COL4A5: variants seen among roughly 807,000 people sequenced by gnomAD.
COL4A5 encodes the protein collagen alpha-5(IV) chain.
COL4A5 carries 26 observed loss-of-function variants against 130.2 expected under a neutral mutation model. That is an observed-to-expected ratio of 0.20 (90% CI 0.15 to 0.28). The LOEUF (loss-of-function observed/expected upper bound fraction) is 0.28, where lower values mean the gene tolerates loss of function less well. COL4A5 is among the 10% of genes least tolerant of loss of function. The pLI is 1.00. For synonymous variants in COL4A5, 496 were observed against 439.6 expected (o/e 1.13, Z -1.60); for missense variants, 1,131 against 1,344.3 (o/e 0.84, Z 2.48).
rs901008983 is a variant in COL4A5 at position 108,559,253 on chromosome X, A to G, written c.231+100A>G. The G allele has an allele frequency of 3.9e-5, 24 of 613,286 alleles. No homozygotes were observed. In the African/African-American group the frequency reaches 4.4e-4, roughly 11 times the overall value. 50.5% of individuals were successfully genotyped at this position (613,286 alleles called of 1,213,427 possible). ...ACTAAAAAGTTACTGAATTATAGCAAGAAACTAATATGTAAATGAAACAAT... is the reference window on the plus strand; with the variant it reads ...ACTAAAAAGTTACTGAATTATAGCAGGAAACTAATATGTAAATGAAACAAT... On this transcript the variant is annotated intron_variant, in intron 3 of 52. Transcript: ENST00000328300.
At chrX:108,678,986 A>T (rs2068367112) in intron 44 of COL4A5, among the ~76,000 whole-genome samples, 1 of 111,625 alleles carries the variant, frequency 9.0e-6, no homozygotes, top group Admixed American at 9.5e-5. Context: ...TTTAAATAGA[A>T]TATTCCTTTT....
intron 1 of COL4A5, among the ~76,000 whole-genome samples, chrX:108,534,896 G>GTATTGTCTTTATTCCCTCTCTCACCTC (rs2065435538): frequency 9.0e-6 from 1 of 110,600 alleles, no homozygotes; most frequent in Admixed American, 9.7e-5. Context: ...TGTCTCTTTA[G>GTATTGTCTTTATTCCCTCTCTCACCTC]TATTGTCTTT....
At chrX:108,468,368 T>C (rs182264278) in intron 1 of COL4A5, among the ~76,000 whole-genome samples, 1 of 112,424 alleles carries the variant, frequency 8.9e-6, no homozygotes, top group Non-Finnish European at 1.9e-5. Flanking sequence ...TCTAGCCTAA[T>C]TACTTAGCTA....
In COL4A5 at chrX:108,620,296, A is replaced by G. The variant is rs1187274890; in HGVS notation, c.2547A>G (p.Gly849=). 2 of 1,209,184 alleles carry G rather than the reference A, an allele frequency of 1.7e-6. No individual in the cohort carries two copies. Among genetic ancestry groups the G allele is most frequent in the East Asian group, 5.9e-5 (2 of 33,794 alleles). ...HGIPGEKGDP[G]PPGLDVPGPP... is the part of the protein sequence containing the mutation. ...TACCAGGAGAGAAGGGGGATCCAGG[A>G]CCTCCTGGACTTGATGTTCCAGGAC... The change falls in exon 31 of 53, where the codon GGA becomes GGG. Residue 849 remains glycine (G), a synonymous_variant. Coordinates refer to ENST00000328300, the MANE Select transcript of COL4A5 (RefSeq NM_033380.3).
At chrX:108,473,787 A>G (rs2064806254) in intron 1 of COL4A5, among the ~76,000 whole-genome samples, 1 of 104,066 alleles carries the variant, frequency 9.6e-6, no homozygotes, top group African/African-American at 3.5e-5. Context: ...ACCTGCCATC[A>G]CGCCTGGGTA....
intron 1 of COL4A5, among the ~76,000 whole-genome samples, chrX:108,478,019 G>T (rs2064854062): frequency 9.1e-6 from 1 of 110,425 alleles, no homozygotes; most frequent in Admixed American, 9.7e-5. Context: ...TTCCTGAAGG[G>T]TCTGGGCCAT....
chrX:108,452,657 A>T (rs1482880978), intron 1 of COL4A5, among the ~76,000 whole-genome samples: 1 of 111,644 alleles, frequency 9.0e-6, no homozygotes, highest in African/African-American at 3.3e-5. Context: ...AATGCTTATG[A>T]TTTTTGTACA....
chrX:108,634,835 A>G (rs1282913504), intron 36 of COL4A5, among the ~76,000 whole-genome samples: 1 of 111,063 alleles, frequency 9.0e-6, no homozygotes, highest in Non-Finnish European at 1.9e-5. Flanking sequence ...ATCACTTTAC[A>G]TGATTTTGGT....
intron 29 of COL4A5, among the ~76,000 whole-genome samples, chrX:108,612,527 A>G (rs894833797): frequency 8.9e-6 from 1 of 111,897 alleles, no homozygotes; most frequent in Admixed American, 9.5e-5. Context: ...AATAAAAATT[A>G]AACAAAAACA....
In COL4A5 at chrX:108,459,695, C is replaced by A. The variant is rs139489125; in HGVS notation, c.81+19489C>A. ...AGTGACTATATTTCAAATTTATATA[C>A]CTTGCATCATCTAGCAGACAGCCTT... On this transcript the variant is annotated intron_variant, in intron 1 of 52. Transcript: ENST00000328300. 2.7e-3 allele frequency among the ~76,000 whole-genome samples: 301 copies of A among 111,934 alleles called. 1 individual carries two copies. The highest frequency in any genetic ancestry group is 9.2e-3 in the African/African-American group (285 of 30,886).
chrX:108,496,052 G>A (rs1273841192), intron 1 of COL4A5, among the ~76,000 whole-genome samples: 4 of 112,137 alleles, frequency 3.6e-5, no homozygotes, highest in Non-Finnish European at 5.6e-5. Flanking sequence ...ACAGACAATC[G>A]GGATATGGAT....
intron 18 of COL4A5, among the ~76,000 whole-genome samples, chrX:108,585,783 A>T (rs959018559): frequency 9.9e-5 from 11 of 111,531 alleles, no homozygotes; most frequent in African/African-American, 3.6e-4. Flanking sequence ...AAAAGAAATG[A>T]TTAGTTAGTT....
intron 21 of COL4A5, among the ~76,000 whole-genome samples, chrX:108,593,493 C>T (rs1673706496): frequency 9.0e-6 from 1 of 111,066 alleles, no homozygotes; most frequent in Admixed American, 9.5e-5. Context: ...GAAATCTTTA[C>T]TTATCTCAGA....
At chrX:108,595,852 A>G (rs2066506433) in intron 22 of COL4A5, among the ~76,000 whole-genome samples, 1 of 112,292 alleles carries the variant, frequency 8.9e-6, no homozygotes, top group African/African-American at 3.2e-5. Flanking sequence ...CATTTTCCAT[A>G]TGGAGAAGAA....
At chrX:108,643,564 CCT>C (rs1453695411) in intron 36 of COL4A5, among the ~76,000 whole-genome samples, 6 of 111,656 alleles carry the variant, frequency 5.4e-5, no homozygotes, top group African/African-American at 2.0e-4. Flanking sequence ...CTATCTTCAG[CCT>C]CCTCAAACAA....
At chrX:108,587,938 A>T (rs990660443) in intron 19 of COL4A5, among the ~76,000 whole-genome samples, 1 of 111,502 alleles carries the variant, frequency 9.0e-6, no homozygotes, top group African/African-American at 3.2e-5. Flanking sequence ...GTTTTGCAAG[A>T]TTTCCTGTAT....
At chrX:108,656,400 C>T (rs1208555748) in intron 37 of COL4A5, among the ~76,000 whole-genome samples, 1 of 112,057 alleles carries the variant, frequency 8.9e-6, no homozygotes, top group Non-Finnish European at 1.9e-5. Context: ...ATTACACATT[C>T]CCCTGTTGAT....
At chrX:108,646,576 G>T (rs1172181200) in intron 36 of COL4A5, among the ~76,000 whole-genome samples, 12 of 111,373 alleles carry the variant, frequency 1.1e-4, no homozygotes, top group Admixed American at 2.9e-4. Flanking sequence ...CAGAAGCTCT[G>T]TAGTTTAATT....
At position 108,577,987 on chromosome X, in the gene COL4A5, G is replaced by A. The variant is rs753417053; in HGVS notation, c.645G>A (p.Lys215=). Residue 215 remains lysine, a splice_region_variant and synonymous_variant, in exon 11 of 53, where the codon AAG becomes AAA. Transcript: ENST00000328300. The stretch of plus-strand genomic sequence containing the variant: ...GTCCACCAGGACTTCCAGGACCTAA[G>A]GTAATTTTCTTTTTCTTTATATCTT... ...PPGPPGLPGP[K]GNMGLNFQGP... The A allele has an allele frequency of 8.3e-7, 1 of 1,203,617 alleles. No individual in the cohort carries two copies. The highest frequency in any genetic ancestry group is 3.0e-5 in the East Asian group (1 of 33,727).
Sources: allele counts gnomAD v4.1 joint callset (sites outside exome capture counted in the v4.1 genomes callset), GRCh38; gene constraint gnomAD v4.1.1; transcripts MANE v1.5; gene names NCBI Gene and HGNC (gene_info 2026-07-23, HGNC 2026-07-21).